The following SLC26A7 variants were observed in gnomAD, a reference collection of about 807,000 sequenced individuals.
The protein encoded by SLC26A7 is solute carrier family 26 member 7, also known as anion exchange transporter.
In SLC26A7, 59 loss-of-function variants were observed where a neutral mutation model predicts 82.5. The ratio of observed to expected loss-of-function variants is 0.72; its 90% CI spans 0.58 to 0.89. SLC26A7 has a LOEUF of 0.89. SLC26A7 is among the 40% of genes least tolerant of loss of function. The pLI is 0.00. For missense variants in SLC26A7, 820 were observed against 793.0 expected, an observed-to-expected ratio of 1.03 and a Z score of -0.41; for synonymous variants, 271 against 274.3, an observed-to-expected ratio of 0.99 and a Z score of 0.12.
intron 2 of SLC26A7, among the ~76,000 whole-genome samples, chr8:91,271,590 CTT>C (rs67904308): frequency 3.1e-4 from 35 of 113,706 alleles, no homozygotes; most frequent in African/African-American, 6.8e-4. Flanking sequence ...CTAGAGAAAT[CTT>C]TTTTTTTTTT....
chr8:91,215,732 T>C (rs764520775), intron 1 of SLC26A7, among the ~76,000 whole-genome samples: 55 of 152,336 alleles, frequency 3.6e-4, no homozygotes, highest in Admixed American at 1.3e-3. Context: ...TTGAGTGCTT[T>C]GATCTCTATC....
chr8:91,348,071 G>A (rs1813614696), intron 9 of SLC26A7, among the ~76,000 whole-genome samples: 1 of 152,132 alleles, frequency 6.6e-6, no homozygotes, highest in East Asian at 1.9e-4. Context: ...TGCACAGGCA[G>A]CTCAGCCACA....
intron 15 of SLC26A7, among the ~76,000 whole-genome samples, chr8:91,382,811 A>G (rs1586475838): frequency 6.6e-6 from 1 of 152,194 alleles, no homozygotes; most frequent in East Asian, 1.9e-4. Context: ...TTGTATAGCA[A>G]TTCACAGGAC....
chr8:91,249,878 CAGAGTAG>C, intron 2 of SLC26A7, 34 bp downstream of exon 2: 2 of 1,484,638 alleles, frequency 1.3e-6, no homozygotes, highest in Non-Finnish European at 1.8e-6. Context: ...CTGTATTATG[CAGAGTAG>C]ATGTCACTTT....
chr8:91,362,305 A>G (rs768877764), intron 11 of SLC26A7, 48 bp from the exon 12 acceptor site: 1 of 1,375,916 alleles, frequency 7.3e-7, no homozygotes, highest in Non-Finnish European at 1.0e-6. Flanking sequence ...AATGAGAAGA[A>G]GTGAATTCCA....
At chr8:91,256,919 G>T (rs940753624) in intron 2 of SLC26A7, among the ~76,000 whole-genome samples, 5 of 152,018 alleles carry the variant, frequency 3.3e-5, no homozygotes, top group Admixed American at 6.6e-5. Context: ...ACCTAAAACT[G>T]CCCTGCTCCA....
chr8:91,288,950 A>G (rs1259612290), intron 2 of SLC26A7, among the ~76,000 whole-genome samples, 186 bp from the exon 3 acceptor site: 1 of 152,204 alleles, frequency 6.6e-6, no homozygotes, highest in Non-Finnish European at 1.5e-5. Flanking sequence ...TGGTTTTTGG[A>G]ATCATAACAA....
intron 2 of SLC26A7, among the ~76,000 whole-genome samples, chr8:91,229,935 G>A (rs776542681): frequency 1.8e-4 from 28 of 152,148 alleles, no homozygotes; most frequent in Non-Finnish European, 3.7e-4. Flanking sequence ...ATCTGGCAAC[G>A]CTGCTTTCTG....
At chr8:91,381,685 C>CA (rs1294041490) in intron 15 of SLC26A7, among the ~76,000 whole-genome samples, 1 of 152,130 alleles carries the variant, frequency 6.6e-6, no homozygotes, top group Admixed American at 6.6e-5. Flanking sequence ...ACTTGCCAGA[C>CA]ATAGTTTATC....
chr8:91,389,729 G>C (rs551602385), intron 16 of SLC26A7, among the ~76,000 whole-genome samples: 9 of 152,250 alleles, frequency 5.9e-5, no homozygotes, highest in African/African-American at 2.2e-4. Context: ...GGAGCTCCTA[G>C]GCAGTCAATT....
At chr8:91,228,337 A>G (rs1456041656) in intron 2 of SLC26A7, among the ~76,000 whole-genome samples, 1 of 152,244 alleles carries the variant, frequency 6.6e-6, no homozygotes, top group Non-Finnish European at 1.5e-5. Context: ...CTGCTTTAGA[A>G]GGTGGGATGC....
intron 4 of SLC26A7, among the ~76,000 whole-genome samples, chr8:91,305,119 C>A (rs984411256): frequency 1.3e-5 from 2 of 152,104 alleles, no homozygotes; most frequent in African/African-American, 4.8e-5. Flanking sequence ...GACTATTTGT[C>A]TCTATAATTC....
intron 2 of SLC26A7, among the ~76,000 whole-genome samples, chr8:91,265,472 C>G (rs1426008513): frequency 6.6e-6 from 1 of 151,936 alleles, no homozygotes; most frequent in Non-Finnish European, 1.5e-5. Context: ...TACAATTTTC[C>G]ATAATGGCTA....
chr8:91,270,532 C>T (rs1811240962), intron 2 of SLC26A7, among the ~76,000 whole-genome samples: 1 of 152,080 alleles, frequency 6.6e-6, no homozygotes, highest in Non-Finnish European at 1.5e-5. Context: ...ACTTGAGCAC[C>T]AGAGATTTGT....
At chr8:91,276,206 T>A (rs1019564928) in intron 2 of SLC26A7, among the ~76,000 whole-genome samples, 19 of 152,014 alleles carry the variant, frequency 1.2e-4, no homozygotes, top group African/African-American at 4.3e-4. Context: ...GTAACATATC[T>A]TCTACTAAAA....
At chr8:91,322,421 A>G (rs971601149) in intron 5 of SLC26A7, among the ~76,000 whole-genome samples, 12 of 152,148 alleles carry the variant, frequency 7.9e-5, no homozygotes, top group African/African-American at 2.7e-4. Flanking sequence ...TCAGAAGTTA[A>G]ATTGTTCTAT....
intron 2 of SLC26A7, among the ~76,000 whole-genome samples, chr8:91,254,766 A>G (rs1007638125): frequency 6.6e-5 from 10 of 152,156 alleles, no homozygotes; most frequent in Admixed American, 5.2e-4. Context: ...CCTAGAAACC[A>G]CTTGTATTTT....
chr8:91,292,352 T>C (rs1238610281), intron 3 of SLC26A7, among the ~76,000 whole-genome samples: 1 of 151,520 alleles, frequency 6.6e-6, no homozygotes, highest in African/African-American at 2.4e-5. Flanking sequence ...TTGCAACATA[T>C]ATATGTCAGG....
intron 15 of SLC26A7, among the ~76,000 whole-genome samples, chr8:91,386,369 A>T (rs184770562): frequency 3.5e-3 from 528 of 152,192 alleles, no homozygotes; most frequent in African/African-American, 0.012. Flanking sequence ...ATGAATGCTA[A>T]TTTTTTCTAC....
Sources: gnomAD v4.1 joint callset for allele counts (sites outside exome capture counted in the v4.1 genomes callset) on GRCh38, gnomAD v4.1.1 for gene constraint, MANE v1.5 for transcripts, NCBI Gene and HGNC (gene_info 2026-07-23, HGNC 2026-07-21) for gene names.